PCDHA4: variants seen among roughly 807,000 people sequenced by gnomAD.
The protein encoded by PCDHA4 is protocadherin alpha-4.
Under a neutral mutation model 61.4 loss-of-function variants are expected in PCDHA4, and 49 were observed. That is an observed-to-expected ratio of 0.80 (90% CI 0.63 to 1.01). The LOEUF (loss-of-function observed/expected upper bound fraction) is 1.01. Among genes scored for constraint, PCDHA4 ranks in the 50% least tolerant of loss-of-function variants. The probability of loss-of-function intolerance (pLI) is 0.00; values close to 1 mark genes in which losing one functional copy is unlikely to be tolerated. For missense variants in PCDHA4, 1,254 were observed against 1,235.8 expected (o/e 1.01, Z -0.22); for synonymous variants, 590 against 550.3 (o/e 1.07, Z -1.01).
intron 1 of PCDHA4, among the ~76,000 whole-genome samples, chr5:140,933,853 A>G (rs192647657): frequency 6.6e-6 from 1 of 151,684 alleles, no homozygotes; most frequent in Non-Finnish European, 1.5e-5. Flanking sequence ...TGTACCTTTA[A>G]TTTTTTCAGA....
chr5:140,978,717 T>C (rs545119234), intron 1 of PCDHA4, among the ~76,000 whole-genome samples: 1 of 152,390 alleles, frequency 6.6e-6, no homozygotes, highest in East Asian at 1.9e-4. Context: ...TTTACAAGAT[T>C]ATTAAATCTG....
In PCDHA4 at chr5:140,869,379, C is replaced by G. The variant is rs1554162987; in HGVS notation, c.2385+59807C>G. The G allele has an allele frequency of 1.9e-6, 3 of 1,614,122 alleles. No individual in the cohort carries two copies. The South Asian group carries it at 3.3e-5, about 18-fold the overall frequency. ...TGTTTGTGAATTCTCGGATCGACCG[C>G]GAGGAGCTGTGCGGGCAGAGCGCGG... On this transcript the variant is annotated intron_variant, in intron 1 of 3. Coordinates refer to ENST00000530339, the MANE Select transcript of PCDHA4 (RefSeq NM_018907.4).
In PCDHA4 at chr5:140,809,350, G is replaced by A. The variant is rs782451445; in HGVS notation, c.2163G>A (p.Leu721=). ...LVLTLLLYTA[L]RCSALPTEGA... ...TCACGCTGCTGCTGTACACCGCGCT[G>A]CGGTGCTCTGCGCTGCCCACCGAGG... The change falls in exon 1 of 4, where the codon CTG becomes CTA. Residue 721 remains leucine, a synonymous_variant. Transcript: ENST00000530339. 4 of 1,613,926 alleles carry A rather than the reference G, an allele frequency of 2.5e-6. No homozygotes were observed. In the African/African-American group the frequency reaches 5.3e-5, roughly 22 times the overall value.
intron 3 of PCDHA4, among the ~76,000 whole-genome samples, chr5:140,992,959 T>A (rs1262703040): frequency 6.6e-6 from 1 of 152,206 alleles, no homozygotes; most frequent in Non-Finnish European, 1.5e-5. Context: ...TCACCCCTTA[T>A]ACTGCTGACA....
In PCDHA4 at chr5:140,807,079, T is replaced by G; in HGVS notation, c.-109T>G. On this transcript the variant is annotated 5_prime_UTR_variant, in exon 1 of 4. Transcript: ENST00000530339. ...TACTGGAAGGAACCATATACACTCT[T>G]TGGAGTCTGAAATATGGAGGATGCA... is the stretch of plus-strand genomic sequence containing the variant. The G allele has an allele frequency of 2.4e-6, 3 of 1,251,084 alleles. No individual in the cohort carries two copies. Among genetic ancestry groups the G allele is most frequent in the Non-Finnish European group, 3.4e-6 (3 of 891,078 alleles). 77.5% of individuals were successfully genotyped at this position (1,251,084 alleles called of 1,614,324 possible).
chr5:140,873,557 T>C (rs1347474996), intron 1 of PCDHA4, among the ~76,000 whole-genome samples: 1 of 150,760 alleles, frequency 6.6e-6, no homozygotes, highest in Non-Finnish European at 1.5e-5. Context: ...TTTCAATTTA[T>C]TTTCTAGTTT....
At chr5:140,818,759 G>A (rs2150102311) in intron 1 of PCDHA4, among the ~76,000 whole-genome samples, 65 of 152,296 alleles carry the variant, frequency 4.3e-4, no homozygotes, top group Non-Finnish European at 5.6e-4. Context: ...GATGGCTTGA[G>A]CCTGAGGCTG....
chr5:140,838,091 T>A, intron 1 of PCDHA4, among the ~76,000 whole-genome samples: 1 of 139,550 alleles, frequency 7.2e-6, no homozygotes, highest in African/African-American at 2.7e-5. Context: ...TGTGTGTGTG[T>A]GTGTGTGTGT....
chr5:140,925,641 TATAATAATAATAATA>T (rs10569930), intron 1 of PCDHA4, among the ~76,000 whole-genome samples: 7 of 143,358 alleles, frequency 4.9e-5, no homozygotes, highest in African/African-American at 1.0e-4. Flanking sequence ...GAACTTAAAG[TATAATAATAATAATA>T]ATAATAATAA....
rs781874469 is a variant in PCDHA4 at position 140,967,699 on chromosome 5, T to A, written c.2386-11250T>A. On this transcript the variant is annotated intron_variant, in intron 1 of 3. Coordinates refer to ENST00000530339, the MANE Select transcript of PCDHA4 (RefSeq NM_018907.4). ...GGGAGAGGCAGCTCTTCAGCATAGA[T>A]GCCAGTACCGGGGAAGTGCGAGTAA... The A allele has an allele frequency of 1.2e-6, 2 of 1,614,154 alleles. No individual in the cohort carries two copies. Among genetic ancestry groups the A allele is most frequent in the Non-Finnish European group, 1.7e-6 (2 of 1,180,034 alleles).
chr5:140,843,329 G>A, intron 1 of PCDHA4: 3 of 1,596,060 alleles, frequency 1.9e-6, no homozygotes, highest in Non-Finnish European at 2.6e-6. Flanking sequence ...GGTGTCGCTG[G>A]TGGAGAGCGG....
Position 140,807,121 on chromosome 5 carries a change from C to A in PCDHA4, c.-67C>A, listed in dbSNP as rs1397295588. ...GAGGATGCAGCTGCACTTGACTGAC[C>A]GATTAAAAGATTTCCCTTGACTTTG... On this transcript the variant is annotated 5_prime_UTR_variant, in exon 1 of 4. Coordinates refer to ENST00000530339, the MANE Select transcript of PCDHA4 (RefSeq NM_018907.4). 6 of 1,533,416 alleles carry A rather than the reference C, an allele frequency of 3.9e-6. No homozygotes were observed. The highest frequency in any genetic ancestry group is 3.7e-5 in the Admixed American group (2 of 54,540). 95.0% of individuals were successfully genotyped at this position (1,533,416 alleles called of 1,614,324 possible).
chr5:140,890,386 A>T (rs905205351), intron 1 of PCDHA4, among the ~76,000 whole-genome samples: 1 of 152,202 alleles, frequency 6.6e-6, no homozygotes, highest in African/African-American at 2.4e-5. Context: ...TCTTTCTTAG[A>T]TAATCTATAA....
intron 1 of PCDHA4, chr5:140,812,166 G>A (rs1053097771): frequency 1.7e-5 from 1 of 59,462 alleles, no homozygotes; most frequent in African/African-American, 9.4e-5. Flanking sequence ...GTTGTTGTTA[G>A]GAGGTTTGGA....
chr5:140,858,108 C>T (rs781859966), intron 1 of PCDHA4: 1 of 1,597,706 alleles, frequency 6.3e-7, no homozygotes, highest in South Asian at 1.1e-5. Context: ...GGCGTGGCGC[C>T]CGAGGTGGCC....
At chr5:140,844,401 C>T (rs1299971759) in intron 1 of PCDHA4, among the ~76,000 whole-genome samples, 1 of 149,242 alleles carries the variant, frequency 6.7e-6, no homozygotes, top group Non-Finnish European at 1.5e-5. Context: ...GACCATTTTA[C>T]CATTTGGAGA....
rs945250298 is a variant in PCDHA4 at position 140,897,146 on chromosome 5, A to G, written c.2386-81803A>G. Among the ~76,000 whole-genome samples the G allele has an allele frequency of 5.3e-5, 8 of 152,258 alleles. No individual in the cohort carries two copies. In the East Asian group the frequency reaches 1.5e-3, roughly 29 times the overall value. On this transcript the variant is annotated intron_variant, in intron 1 of 3. Coordinates refer to ENST00000530339, the MANE Select transcript of PCDHA4 (RefSeq NM_018907.4). Reference sequence around the variant, plus strand: ...CCCACTAAACTTTCTAGCCTTTGTTAACCATTCTTCTACTGTCTATCTCCA... The same window carrying G: ...CCCACTAAACTTTCTAGCCTTTGTTGACCATTCTTCTACTGTCTATCTCCA...
At chr5:140,827,000 T>C (rs2150146007) in intron 1 of PCDHA4, among the ~76,000 whole-genome samples, 9 of 152,112 alleles carry the variant, frequency 5.9e-5, no homozygotes, top group African/African-American at 2.2e-4. Flanking sequence ...ACATGGGAAA[T>C]GCTCATGTCA....
intron 1 of PCDHA4, among the ~76,000 whole-genome samples, chr5:140,880,962 A>G (rs1439455519): frequency 6.6e-6 from 1 of 152,224 alleles, no homozygotes; most frequent in Non-Finnish European, 1.5e-5. Context: ...GATGAGGGTA[A>G]GAGAATACCA....
Sources: allele counts gnomAD v4.1 joint callset (sites outside exome capture counted in the v4.1 genomes callset), GRCh38; gene constraint gnomAD v4.1.1; transcripts MANE v1.5; gene names NCBI Gene and HGNC (gene_info 2026-07-23, HGNC 2026-07-21).